The following INSYN2B variants were observed in gnomAD, a reference collection of about 807,000 sequenced individuals.
INSYN2B encodes the protein protein INSYN2B.
A neutral mutation model predicts 41.2 loss-of-function variants in INSYN2B; 16 were observed. The ratio of observed to expected loss-of-function variants is 0.39; its 90% confidence interval spans 0.26 to 0.59. The LOEUF (loss-of-function observed/expected upper bound fraction) is 0.59, where lower values mean the gene tolerates loss of function less well. Among genes scored for constraint, INSYN2B ranks in the 20% least tolerant of loss-of-function variants. The pLI, the probability that INSYN2B is intolerant of heterozygous loss-of-function variation, is 0.57. For missense variants in INSYN2B, 608 were observed against 646.4 expected, an observed-to-expected ratio of 0.94 and a Z score of 0.64; for synonymous variants, 245 against 244.4, an observed-to-expected ratio of 1.00 and a Z score of -0.02.
rs34124700 is a variant in INSYN2B, at chr5:169,971,428, C to CT, written c.-919+8848dup. On this transcript the variant is annotated intron_variant, in intron 1 of 3. Coordinates refer to ENST00000377365, the MANE Select transcript of INSYN2B (RefSeq NM_001129891.3). Reference sequence around the variant, plus strand: ...CCTTCTGCCCCTTTCCTCCTAGAGCCTTTTTTTTTTTTTTTTTTCATGAAA... The same window carrying CT: ...CCTTCTGCCCCTTTCCTCCTAGAGCCTTTTTTTTTTTTTTTTTTTCATGAAA... 4.5e-3 allele frequency among the ~76,000 whole-genome samples: 613 copies of CT among 135,188 alleles called. 4 individuals carry two copies. The highest frequency in any genetic ancestry group is 0.015 in the South Asian group (64 of 4,176). The allele number at this position is 135,188 out of a possible 152,430, so 88.7% of individuals were successfully genotyped here.
intron 1 of INSYN2B, among the ~76,000 whole-genome samples, chr5:169,911,429 A>G (rs1774593133): frequency 6.6e-6 from 1 of 152,148 alleles, no homozygotes; most frequent in South Asian, 2.1e-4. Context: ...TTCCCACTAC[A>G]CTGAGCTGTA....
chr5:169,926,180 G>T (rs757517070), intron 1 of INSYN2B, among the ~76,000 whole-genome samples: 6 of 152,170 alleles, frequency 3.9e-5, no homozygotes, highest in Non-Finnish European at 8.8e-5. Flanking sequence ...TAGTCGGCAT[G>T]GATGTGGATA....
intron 1 of INSYN2B, among the ~76,000 whole-genome samples, chr5:169,949,449 G>A (rs1311978525): frequency 6.6e-6 from 1 of 152,136 alleles, no homozygotes; most frequent in Non-Finnish European, 1.5e-5. Flanking sequence ...CATTAGCCCA[G>A]TTTGGCTGAA....
At chr5:169,963,583 C>T (rs569770448) in intron 1 of INSYN2B, among the ~76,000 whole-genome samples, 3 of 152,264 alleles carry the variant, frequency 2.0e-5, no homozygotes, top group African/African-American at 7.2e-5. Context: ...CACAGGGGCA[C>T]TTACACAGCC....
intron 1 of INSYN2B, among the ~76,000 whole-genome samples, chr5:169,891,034 C>T (rs534926188): frequency 1.5e-3 from 235 of 152,340 alleles, no homozygotes; most frequent in Middle Eastern, 3.4e-3. Context: ...ACCTTGAACA[C>T]AAGCCACAAC....
At chr5:169,864,546 G>T in intron 3 of INSYN2B, 87 bp from the exon 4 acceptor site, 1 of 1,071,940 alleles carries the variant, frequency 9.3e-7, no homozygotes, top group South Asian at 1.7e-5. Flanking sequence ...TAATATGGAA[G>T]AGCATGAGCT....
At chr5:169,888,953 G>A (rs2113530864) in intron 1 of INSYN2B, among the ~76,000 whole-genome samples, 1 of 152,252 alleles carries the variant, frequency 6.6e-6, no homozygotes, top group Middle Eastern at 3.4e-3. Context: ...TGCCGTCTCT[G>A]TACTTTGTGT....
chr5:169,906,294 TG>T (rs967394696), intron 1 of INSYN2B, among the ~76,000 whole-genome samples: 1 of 152,146 alleles, frequency 6.6e-6, no homozygotes, highest in African/African-American at 2.4e-5. Context: ...ATCATAGTAC[TG>T]ACTACTGATT....
Position 169,864,087 on chromosome 5 carries a change from C to T in INSYN2B, c.*186G>A, listed in dbSNP as rs1771378949. 2.0e-5 allele frequency among the ~76,000 whole-genome samples: 3 copies of T among 152,174 alleles called. No homozygotes were observed. In the South Asian group the frequency reaches 6.2e-4, roughly 32 times the overall value. ...CCCTCAGCAAGCAGTCGCACGCACT[C>T]AGGTAAGGATCGTGGTCAGGTGTCC... On this transcript the variant is annotated 3_prime_UTR_variant, in exon 4 of 4. Transcript: ENST00000377365.
chr5:169,934,849 A>T (rs1775916123), intron 1 of INSYN2B: 1 of 389,666 alleles, frequency 2.6e-6, no homozygotes, highest in South Asian at 1.9e-5. Flanking sequence ...AGGTAAATAA[A>T]GCATTATACA....
chr5:169,936,578 C>A (rs1399949779), intron 1 of INSYN2B, among the ~76,000 whole-genome samples: 2 of 122,832 alleles, frequency 1.6e-5, no homozygotes, highest in Non-Finnish European at 3.3e-5. Context: ...TCTCAGACTC[C>A]TTTTTTTTTT....
chr5:169,978,325 G>A (rs1037797655), intron 1 of INSYN2B, among the ~76,000 whole-genome samples: 2 of 137,020 alleles, frequency 1.5e-5, no homozygotes, highest in African/African-American at 2.8e-5. Context: ...AGGCAAACTG[G>A]TAGCCTTTCC....
chr5:169,877,570 G>A (rs913462234), intron 3 of INSYN2B, among the ~76,000 whole-genome samples: 36 of 152,168 alleles, frequency 2.4e-4, no homozygotes, highest in Non-Finnish European at 4.1e-4. Flanking sequence ...ATTTTGTGGT[G>A]AAATAGGTGT....
At chr5:169,932,674 C>A (rs1324593381) in intron 1 of INSYN2B, among the ~76,000 whole-genome samples, 2 of 151,746 alleles carry the variant, frequency 1.3e-5, no homozygotes, top group Admixed American at 1.3e-4. Context: ...AGGAGAAAAC[C>A]CAAGGCTCTT....
intron 1 of INSYN2B, among the ~76,000 whole-genome samples, chr5:169,974,660 G>T (rs140063241): frequency 6.6e-6 from 1 of 152,074 alleles, no homozygotes; most frequent in African/African-American, 2.4e-5. Flanking sequence ...CCCTAGCAAT[G>T]CTCCTGGTTT....
intron 1 of INSYN2B, among the ~76,000 whole-genome samples, chr5:169,893,026 A>G (rs895895091): frequency 6.7e-6 from 1 of 150,020 alleles, no homozygotes; most frequent in African/African-American, 2.5e-5. Context: ...CTCTTCCTTC[A>G]TTTCTTTTGT....
rs369013024 is a variant in INSYN2B, at chr5:169,962,359, A to T, written c.-919+17918T>A. ...GAGTTGGATATGGCCAGTCAGAAAA[A>T]GTGGTAAAGATGTCAAAGGTTTCCA... On this transcript the variant is annotated intron_variant, in intron 1 of 3. Transcript: ENST00000377365. 1.6e-3 allele frequency among the ~76,000 whole-genome samples: 244 copies of T among 152,298 alleles called. 5 individuals carry two copies. In the South Asian group the frequency reaches 0.044, roughly 27 times the overall value.
At chr5:169,945,926 C>T (rs1776430820) in intron 1 of INSYN2B, among the ~76,000 whole-genome samples, 1 of 152,198 alleles carries the variant, frequency 6.6e-6, no homozygotes, top group African/African-American at 2.4e-5. Flanking sequence ...CGAGCATCCC[C>T]CACACTGCTG....
At chr5:169,917,325 G>A (rs886997431) in intron 1 of INSYN2B, among the ~76,000 whole-genome samples, 14 of 152,134 alleles carry the variant, frequency 9.2e-5, no homozygotes, top group African/African-American at 3.4e-4. Flanking sequence ...ACCAATGAAT[G>A]AATTGACTCC....
Sources: gnomAD v4.1 joint callset for allele counts (sites outside exome capture counted in the v4.1 genomes callset) on GRCh38, gnomAD v4.1.1 for gene constraint, MANE v1.5 for transcripts, NCBI Gene and HGNC (gene_info 2026-07-23, HGNC 2026-07-21) for gene names.